The following FLII variants were observed in gnomAD, a reference collection of about 807,000 sequenced individuals.
FLII encodes protein flightless-1 homolog.
Under a neutral mutation model 156.2 loss-of-function variants are expected in FLII, and 101 were observed. That is an observed-to-expected ratio of 0.65 (90% CI 0.55 to 0.76). The LOEUF is 0.76. Ranked by LOEUF, FLII falls within the 30% of genes least tolerant of loss-of-function variation. The probability of loss-of-function intolerance (pLI) is 0.00; values close to 1 mark genes in which losing one functional copy is unlikely to be tolerated. For missense variants in FLII, 1,675 were observed against 1,682.8 expected, an observed-to-expected ratio of 1.00 and a Z score of 0.08; for synonymous variants, 767 against 685.8, an observed-to-expected ratio of 1.12 and a Z score of -1.85.
intron 6 of FLII, 124 bp downstream of exon 6, chr17:18,254,397 G>A (rs2048356153): frequency 1.0e-6 from 1 of 999,332 alleles, no homozygotes; most frequent in South Asian, 1.7e-5. Flanking sequence ...ACACTGAGGG[G>A]TGCTGCCTGC....
At chr17:18,249,027 T>G (rs2048176861) in intron 16 of FLII, 100 bp downstream of exon 16, 1 of 1,376,586 alleles carries the variant, frequency 7.3e-7, no homozygotes, top group Admixed American at 1.7e-5. Context: ...TGGGCAGGAA[T>G]TGCTAGAGGG....
In FLII at chr17:18,245,679, G is replaced by A. The variant is rs2048016069; in HGVS notation, c.3504-19C>T. ...GGAGCACCTGGGAATCAAGGGTCAA[G>A]GTGAGGCCAGAGGTCATAAGCAGCA... On this transcript the variant is annotated intron_variant, in intron 27 of 29. Coordinates refer to ENST00000327031, the MANE Select transcript of FLII (RefSeq NM_002018.4). The A allele has an allele frequency of 1.9e-6, 3 of 1,613,032 alleles. No homozygotes were observed. Among genetic ancestry groups the A allele is most frequent in the East Asian group, 4.5e-5 (2 of 44,876 alleles).
In FLII at chr17:18,245,432, C is replaced by T; in HGVS notation, c.3610-13G>A. On this transcript the variant is annotated splice_polypyrimidine_tract_variant and intron_variant, in intron 28 of 29. Transcript: ENST00000327031. ...CCCACATGTAGACCTGTGGGGGCAG[C>T]AGGGGAGATACGGTTGCATGGGTGC... 1 of 1,613,992 alleles carries T rather than the reference C, an allele frequency of 6.2e-7. No homozygotes were observed. Among genetic ancestry groups the T allele is most frequent in the Non-Finnish European group, 8.5e-7 (1 of 1,179,872 alleles).
Position 18,246,324 on chromosome 17 carries a change from T to C in FLII, c.3190A>G (p.Ser1064Gly). 1 of 1,613,888 alleles carries C rather than the reference T, an allele frequency of 6.2e-7. No individual in the cohort carries two copies. Among genetic ancestry groups the C allele is most frequent in the Non-Finnish European group, 8.5e-7 (1 of 1,180,006 alleles). ...GCCAGGCACCGGGTGCAGAGGGCGCTGCCGTTGGTGCGGATCTGGTAGAGG... is the reference window on the plus strand; with the variant it reads ...GCCAGGCACCGGGTGCAGAGGGCGCCGCCGTTGGTGCGGATCTGGTAGAGG... ...PSLYQIRTNG[S>G]ALCTRCIQIN... Residue 1064 changes from serine (S) to glycine (G), a missense_variant, in exon 24 of 30, where the codon AGC becomes GGC. By Grantham distance (56) the Ser-to-Gly change is moderately conservative. Coordinates refer to ENST00000327031, the MANE Select transcript of FLII (RefSeq NM_002018.4).
chr17:18,245,322 G>C (rs148683920), intron 29 of FLII, 32 bp downstream of exon 29: 2 of 1,613,996 alleles, frequency 1.2e-6, no homozygotes, highest in East Asian at 4.5e-5. Flanking sequence ...CTGCCCACAG[G>C]CCCACCTCGG....
chr17:18,252,037 G>GC lies in FLII; in HGVS notation c.1207dup (p.Ala403GlyfsTer38). 6.2e-7 allele frequency: 1 copy of GC among 1,613,056 alleles called. No individual in the cohort carries two copies. The highest frequency in any genetic ancestry group is 8.5e-7 in the Non-Finnish European group (1 of 1,179,888). On this transcript the variant is annotated frameshift_variant, in exon 11 of 30. Transcript: ENST00000327031. LOFTEE classifies it high-confidence loss of function. The stretch of plus-strand genomic sequence containing the variant: ...AGCCACGGTAGCAGGAGAGGCACCC[G>GC]CTAGCCGCAGCTGGTTCTGCAGCGA...
At position 18,258,036 on chromosome 17, in the gene FLII, C is replaced by T. The variant is rs1236133055; in HGVS notation, c.63+592G>A. ...CTGCTCAGACAACTGCCACCCAGCACCTGGCACACCGGCCTGACACACTCT... is the reference window on the plus strand; with the variant it reads ...CTGCTCAGACAACTGCCACCCAGCATCTGGCACACCGGCCTGACACACTCT... On this transcript the variant is annotated intron_variant, in intron 1 of 29. Transcript: ENST00000327031. The surrounding 1 kb of genome is among the most constrained non-coding windows in gnomAD (Gnocchi z 4.2). Among the ~76,000 whole-genome samples the T allele has an allele frequency of 1.3e-5, 2 of 152,184 alleles. No homozygotes were observed. The highest frequency in any genetic ancestry group is 1.9e-4 in the East Asian group (1 of 5,184).
At position 18,256,958 on chromosome 17, in the gene FLII, C is replaced by T. The variant is rs145813372; in HGVS notation, c.125G>A (p.Arg42His). The T allele has an allele frequency of 4.0e-4, 643 of 1,611,874 alleles. No homozygotes were observed. The highest frequency in any genetic ancestry group is 5.2e-4 in the Non-Finnish European group (610 of 1,179,296). Residue 42 changes from arginine to histidine, a missense_variant, in exon 2 of 30, where the codon CGC (arginine) becomes CAC (histidine). Arg to His is a conservative substitution (Grantham distance 29, BLOSUM62 0). Transcript: ENST00000327031. ...MTSLRWLKLN[R>H]TGLCYLPEEL... ...CTCGGGCAGGTAGCAGAGGCCAGTG[C>T]GGTTCAGCTTCAGCCACCGCAGGCT...
At chr17:18,257,868 G>A (rs2048472579) in intron 1 of FLII, among the ~76,000 whole-genome samples, 1 of 152,188 alleles carries the variant, frequency 6.6e-6, no homozygotes, top group African/African-American at 2.4e-5. Context: ...TGACCCTCCA[G>A]CCAGCTCTCC....
intron 29 of FLII, 31 bp from the exon 30 acceptor site, chr17:18,245,303 G>C (rs1426947052): frequency 1.4e-5 from 22 of 1,613,128 alleles, no homozygotes; most frequent in Non-Finnish European, 1.8e-5. Flanking sequence ...CTTGGGTGAT[G>C]ACCCTGCCCT....
At chr17:18,251,932 T>A in intron 11 of FLII, 67 bp downstream of exon 11, 1 of 1,602,872 alleles carries the variant, frequency 6.2e-7, no homozygotes, top group Non-Finnish European at 8.5e-7. Flanking sequence ...GCCACCCAAT[T>A]TACAGATGTG....
chr17:18,248,609 A>G lies in FLII; in HGVS notation c.2131T>C (p.Ser711Pro). 6.2e-7 allele frequency: 1 copy of G among 1,613,744 alleles called. No homozygotes were observed. Among genetic ancestry groups the G allele is most frequent in the Non-Finnish European group, 8.5e-7 (1 of 1,179,938 alleles). The change falls in exon 18 of 30, where the codon TCT becomes CCT. Residue 711 changes from serine to proline, a missense_variant. This residue lies in a region of FLII where 1,332 missense variants were observed against 1,269.3 expected (regional missense o/e 1.05). Coordinates refer to ENST00000327031, the MANE Select transcript of FLII (RefSeq NM_002018.4). Reference protein sequence around the residue: ...EFWEALGGEPSEIKKHVPEDF... With the variant: ...EFWEALGGEPPEIKKHVPEDF... The stretch of plus-strand genomic sequence containing the variant: ...TCAGGCACGTGCTTCTTGATCTCAG[A>G]GGGCTCCCCACCCAGTGCCTCCCAG...
chr17:18,254,333 G>A (rs964236325), intron 6 of FLII, 151 bp from the exon 7 acceptor site: 6 of 815,634 alleles, frequency 7.4e-6, no homozygotes, highest in African/African-American at 6.9e-5. Flanking sequence ...TGGTTGCGGG[G>A]TGTGTAAGCG....
At chr17:18,253,248 C>T (rs2048322153) in intron 9 of FLII, 53 bp downstream of exon 9, 2 of 1,601,374 alleles carry the variant, frequency 1.2e-6, no homozygotes, top group Non-Finnish European at 8.5e-7. Context: ...GACTACGATC[C>T]CGGGGTTCTC....
In FLII at chr17:18,250,757, C is replaced by A. The variant is rs1597910385; in HGVS notation, c.1776+81G>T. 37 of 1,472,556 alleles carry A rather than the reference C, an allele frequency of 2.5e-5. No individual in the cohort carries two copies. The East Asian group carries it at 8.4e-4, about 33-fold the overall frequency. The allele number at this position is 1,472,556 out of a possible 1,614,324, so 91.2% of individuals were successfully genotyped here. A position where few individuals can be genotyped will look rare whatever the true frequency, so the allele number is the denominator to read the frequency against. ...CCTGCCTGCCCACCTGTTCTGCCTA[C>A]CTGCCTTGGGCCCACTGCCCCTGCA... On this transcript the variant is annotated intron_variant, in intron 14 of 29. Coordinates refer to ENST00000327031, the MANE Select transcript of FLII (RefSeq NM_002018.4).
rs1400413158 is a variant in FLII at position 18,245,729 on chromosome 17, G to A, written c.3503+15C>T. On this transcript the variant is annotated intron_variant, in intron 27 of 29. Coordinates refer to ENST00000327031, the MANE Select transcript of FLII (RefSeq NM_002018.4). Reference sequence around the variant, plus strand: ...AGTGCCAGGACTGAGGGGAGGGTCAGGGCCCTGGCCTCACCGGAAGAGACG... The same window carrying A: ...AGTGCCAGGACTGAGGGGAGGGTCAAGGCCCTGGCCTCACCGGAAGAGACG... 2 of 1,612,292 alleles carry A rather than the reference G, an allele frequency of 1.2e-6. No homozygotes were observed. The highest frequency in any genetic ancestry group is 1.7e-5 in the Admixed American group (1 of 60,010).
rs776678024 is a variant in FLII, at chr17:18,247,848, G to A, written c.2296C>T (p.Leu766=). 7 of 1,613,826 alleles carry A rather than the reference G, an allele frequency of 4.3e-6. No homozygotes were observed. The Admixed American group carries it at 1.2e-4, about 27-fold the overall frequency. ...CAGCGCGTGTCCAGCAGACTCTGCA[G>A]CTGCGGACCGGGAGTCTGGAGGTCA... ...KVELMPRMRL[L]QSLLDTRCVY... Residue 766 remains leucine (L), a splice_region_variant and synonymous_variant, in exon 20 of 30, where the codon CTG becomes TTG. Coordinates refer to ENST00000327031, the MANE Select transcript of FLII (RefSeq NM_002018.4).
chr17:18,251,875 G>A (rs1301333713), intron 11 of FLII, 59 bp from the exon 12 acceptor site: 22 of 1,609,236 alleles, frequency 1.4e-5, no homozygotes, highest in African/African-American at 5.3e-5. Context: ...TTGGGCATGC[G>A]ACCAACCAGG....
upstream of FLII, chr17:18,258,786 CT>C: frequency 1.2e-6 from 1 of 818,118 alleles, no homozygotes; most frequent in Non-Finnish European, 1.6e-6. The surrounding 1 kb of genome is among the most constrained non-coding windows in gnomAD (Gnocchi z 4.2). Flanking sequence ...GGCCCCGCCC[CT>C]TTAACCCGCC....
Sources: gnomAD v4.1 joint callset for allele counts (sites outside exome capture counted in the v4.1 genomes callset) on GRCh38, gnomAD v4.1.1 for gene constraint, gnomAD v4.1.1 regional missense constraint, Gnocchi (gnomAD v3.1) non-coding constraint, MANE v1.5 for transcripts, NCBI Gene and HGNC (gene_info 2026-07-23, HGNC 2026-07-21) for gene names.